Variants in COPA observed in about 807,000 individuals in gnomAD.
COPA encodes the protein coat protein complex I subunit alpha.
COPA carries 10 observed loss-of-function variants against 158.7 expected under a neutral mutation model. The ratio of observed to expected loss-of-function variants is 0.06; its 90% CI spans 0.04 to 0.11. The LOEUF (loss-of-function observed/expected upper bound fraction) is 0.11. Ranked by LOEUF, COPA falls within the 10% of genes least tolerant of loss-of-function variation. The pLI, the probability that COPA is intolerant of heterozygous loss-of-function variation, is 1.00. For missense variants in COPA, 1,065 were observed against 1,536.7 expected, an observed-to-expected ratio of 0.69 and a Z score of 5.13; for synonymous variants, 462 against 542.8, an observed-to-expected ratio of 0.85 and a Z score of 2.07.
At chr1:160,311,032 T>C (rs1051615863) in intron 11 of COPA, among the ~76,000 whole-genome samples, 1 of 152,188 alleles carries the variant, frequency 6.6e-6, no homozygotes, top group African/African-American at 2.4e-5. Flanking sequence ...AAGGGAACTA[T>C]CATTCTACTC....
intron 8 of COPA, among the ~76,000 whole-genome samples, chr1:160,316,100 C>T (rs1193491782): frequency 6.6e-6 from 1 of 152,216 alleles, no homozygotes; most frequent in Non-Finnish European, 1.5e-5. Flanking sequence ...TGGCTCACAC[C>T]TATAATCCCA....
At chr1:160,300,411 A>C (rs1467689651) in intron 17 of COPA, among the ~76,000 whole-genome samples, 1 of 151,630 alleles carries the variant, frequency 6.6e-6, no homozygotes, top group African/African-American at 2.4e-5. Context: ...CAAACTCCTA[A>C]AAAATAAAAT....
intron 17 of COPA, among the ~76,000 whole-genome samples, chr1:160,303,134 G>C (rs558281258): frequency 1.3e-5 from 2 of 152,248 alleles, no homozygotes; most frequent in South Asian, 4.2e-4. Flanking sequence ...GGGAAGCAGA[G>C]GTTGCAGTGA....
intron 6 of COPA, among the ~76,000 whole-genome samples, chr1:160,331,849 G>A (rs1253013744): frequency 6.6e-6 from 1 of 152,008 alleles, no homozygotes; most frequent in East Asian, 1.9e-4. Flanking sequence ...TCAGGAGGCT[G>A]AGGGAGAATT....
chr1:160,294,419 A>C, intron 25 of COPA, 65 bp downstream of exon 25: 1 of 1,398,698 alleles, frequency 7.1e-7, no homozygotes, highest in South Asian at 1.2e-5. Flanking sequence ...GTAGGGGACA[A>C]TAAGGCCTCT....
At position 160,332,516 on chromosome 1, in the gene COPA, A is replaced by G; in HGVS notation, c.428T>C (p.Phe143Ser). ...TACTACCAAGTCTTCTGTGGGGTGGAACTGAGCACACATCACATAATGGTT... is the reference window on the plus strand; with the variant it reads ...TACTACCAAGTCTTCTGTGGGGTGGGACTGAGCACACATCACATAATGGTT... ...GHNHYVMCAQFHPTEDLVVSA... is the reference protein window; with the variant it reads ...GHNHYVMCAQSHPTEDLVVSA... The change falls in exon 6 of 33, where the codon TTC becomes TCC. Residue 143 changes from phenylalanine (F) to serine (S), a missense_variant. Around this residue, in one of 2 missense-constraint regions of COPA, gnomAD observed 980 missense variants for 1,357.8 expected, o/e 0.72. Transcript: ENST00000241704. 1 of 1,613,762 alleles carries G rather than the reference A, an allele frequency of 6.2e-7. No individual in the cohort carries two copies. Among genetic ancestry groups the G allele is most frequent in the Non-Finnish European group, 8.5e-7 (1 of 1,179,948 alleles).
At chr1:160,290,288 T>C in intron 32 of COPA, 72 bp from the exon 33 acceptor site, 1 of 1,542,550 alleles carries the variant, frequency 6.5e-7, no homozygotes. Context: ...GTATTCCCTA[T>C]ACCCCTCAAT....
intron 12 of COPA, 99 bp from the exon 13 acceptor site, chr1:160,309,275 C>G: frequency 2.3e-6 from 2 of 865,712 alleles, no homozygotes; most frequent in Non-Finnish European, 3.8e-6. Flanking sequence ...ATTGCACAGA[C>G]ACCAATCTGA....
At chr1:160,327,813 C>A (rs913881359) in intron 6 of COPA, among the ~76,000 whole-genome samples, 3 of 151,384 alleles carry the variant, frequency 2.0e-5, no homozygotes, top group Non-Finnish European at 4.4e-5. Flanking sequence ...AGCTGAGATC[C>A]CGCCACTGCA....
chr1:160,325,413 C>T (rs1162074449), intron 7 of COPA, 130 bp downstream of exon 7: 1 of 750,044 alleles, frequency 1.3e-6, no homozygotes, highest in Non-Finnish European at 2.3e-6. Flanking sequence ...ATTTCTAGTA[C>T]CTCAAACAGT....
In COPA at chr1:160,295,814, G is replaced by A. The variant is rs1557861270; in HGVS notation, c.2398C>T (p.Pro800Ser). ...CAATTGGTATCCAATGGCATGATAG[G>A]TGCAGGTGGCTGGAGCAGCTTGGCA... ...PNAKLLQPPA[P>S]IMPLDTNWPL... is the part of the protein sequence containing the mutation. The change falls in exon 23 of 33, where the codon CCT becomes TCT. Residue 800 changes from proline to serine, a missense_variant. Physicochemically the swap from Pro to Ser is moderately conservative, Grantham distance 74. This residue lies in a region of COPA where 980 missense variants were observed against 1,357.8 expected (regional missense o/e 0.72). Transcript: ENST00000241704. The A allele has an allele frequency of 6.2e-7, 1 of 1,613,294 alleles. No homozygotes were observed. The highest frequency in any genetic ancestry group is 8.5e-7 in the Non-Finnish European group (1 of 1,179,774).
intron 3 of COPA, among the ~76,000 whole-genome samples, chr1:160,337,918 A>G (rs1316786847): frequency 6.6e-6 from 1 of 152,184 alleles, no homozygotes; most frequent in Non-Finnish European, 1.5e-5. Context: ...ACAGTTGTGC[A>G]ACCATCCATT....
rs1174210182 is a variant in COPA, at chr1:160,332,492, A to G, written c.452T>C (p.Val151Ala). ...AQFHPTEDLV[V>A]SASLDQTVRV... ...CACAGTCTGGTCCAGGCTGGCTGATACTACCAAGTCTTCTGTGGGGTGGAA... is the reference window on the plus strand; with the variant it reads ...CACAGTCTGGTCCAGGCTGGCTGATGCTACCAAGTCTTCTGTGGGGTGGAA... Residue 151 changes from valine (V) to alanine (A), a missense_variant, in exon 6 of 33, where the codon GTA becomes GCA. Physicochemically the swap from Val to Ala is moderately conservative, Grantham distance 64. Coordinates refer to ENST00000241704, the MANE Select transcript of COPA (RefSeq NM_004371.4). The G allele has an allele frequency of 1.2e-6, 2 of 1,614,002 alleles. No homozygotes were observed. Among genetic ancestry groups the G allele is most frequent in the African/African-American group, 1.3e-5 (1 of 75,032 alleles).
chr1:160,295,607 G>T, intron 23 of COPA, 129 bp downstream of exon 23: 1 of 960,088 alleles, frequency 1.0e-6, no homozygotes, highest in Non-Finnish European at 1.4e-6. Context: ...TAAATGACTG[G>T]CATTTCAATA....
At chr1:160,313,710 G>A (rs1571165484) in intron 9 of COPA, among the ~76,000 whole-genome samples, 1 of 152,222 alleles carries the variant, frequency 6.6e-6, no homozygotes, top group Non-Finnish European at 1.5e-5. Flanking sequence ...ACCGCGCCCG[G>A]CCTCATTCCG....
chr1:160,327,547 A>C (rs1455493959), intron 6 of COPA, among the ~76,000 whole-genome samples: 4 of 150,728 alleles, frequency 2.7e-5, no homozygotes. Context: ...CGAAAGAACG[A>C]AACTCCGTCT....
intron 11 of COPA, among the ~76,000 whole-genome samples, chr1:160,310,783 C>A (rs1288987349): frequency 6.6e-6 from 1 of 151,940 alleles, no homozygotes; most frequent in Non-Finnish European, 1.5e-5. Context: ...GCCAGGCATC[C>A]CAGAGGTTAT....
chr1:160,334,869 G>A (rs549636966), intron 4 of COPA, among the ~76,000 whole-genome samples: 25 of 152,266 alleles, frequency 1.6e-4, no homozygotes, highest in African/African-American at 6.0e-4. Flanking sequence ...TTTGTTAGCT[G>A]ATCAAAATGG....
chr1:160,342,512 A>G (rs1402006504), intron 1 of COPA, among the ~76,000 whole-genome samples: 3 of 152,202 alleles, frequency 2.0e-5, no homozygotes, highest in Admixed American at 2.0e-4. Context: ...GCAACGACAG[A>G]CTAAAAAACT....
Sources: gnomAD v4.1 joint callset for allele counts (sites outside exome capture counted in the v4.1 genomes callset) on GRCh38, gnomAD v4.1.1 for gene constraint, gnomAD v4.1.1 regional missense constraint, MANE v1.5 for transcripts, NCBI Gene and HGNC (gene_info 2026-07-23, HGNC 2026-07-21) for gene names.